TMEM132C: variants seen among roughly 807,000 people sequenced by gnomAD.
The protein encoded by TMEM132C is protein phosphatase 1, regulatory subunit 152.
A neutral mutation model predicts 61.4 loss-of-function variants in TMEM132C; 29 were observed. The ratio of observed to expected loss-of-function variants is 0.47; its 90% CI spans 0.35 to 0.64. TMEM132C has a LOEUF of 0.64. Ranked by LOEUF, TMEM132C falls within the 30% of genes least tolerant of loss-of-function variation. TMEM132C has a pLI of 0.00. For missense variants in TMEM132C, 1,408 were observed against 1,476.9 expected (o/e 0.95, Z 0.76); for synonymous variants, 656 against 633.1 (o/e 1.04, Z -0.54).
chr12:128,439,776 G>A (rs940425064), intron 2 of TMEM132C, among the ~76,000 whole-genome samples: 1 of 152,024 alleles, frequency 6.6e-6, no homozygotes, highest in Non-Finnish European at 1.5e-5. Flanking sequence ...GGGCACAATT[G>A]GATTTGACAG....
At chr12:128,307,050 G>A (rs1352255396) in intron 1 of TMEM132C, among the ~76,000 whole-genome samples, 1 of 152,090 alleles carries the variant, frequency 6.6e-6, no homozygotes, top group Non-Finnish European at 1.5e-5. Flanking sequence ...CACCATTGCT[G>A]GAAGGAATAA....
At chr12:128,451,869 A>G (rs1173627516) in intron 2 of TMEM132C, among the ~76,000 whole-genome samples, 1 of 152,152 alleles carries the variant, frequency 6.6e-6, no homozygotes, top group East Asian at 1.9e-4. Flanking sequence ...CAGACAAAAA[A>G]AGGGACCCAG....
chr12:128,693,051 G>A (rs1954731455), intron 5 of TMEM132C, among the ~76,000 whole-genome samples: 1 of 152,042 alleles, frequency 6.6e-6, no homozygotes, highest in African/African-American at 2.4e-5. Flanking sequence ...CCACAGAAGG[G>A]GTCTCATAAG....
chr12:128,530,741 C>T (rs1378702037), intron 2 of TMEM132C, among the ~76,000 whole-genome samples: 1 of 152,210 alleles, frequency 6.6e-6, no homozygotes, highest in African/African-American at 2.4e-5. Flanking sequence ...CCATGCCCGG[C>T]CTCCAATAAC....
chr12:128,334,799 T>C (rs1426680571), intron 1 of TMEM132C, among the ~76,000 whole-genome samples: 2 of 152,130 alleles, frequency 1.3e-5, no homozygotes, highest in African/African-American at 4.8e-5. Flanking sequence ...GATTTCACTG[T>C]GTTAGCCAGG....
intron 2 of TMEM132C, among the ~76,000 whole-genome samples, chr12:128,515,176 G>C (rs1872678883): frequency 6.6e-6 from 1 of 152,202 alleles, no homozygotes; most frequent in South Asian, 2.1e-4. Context: ...ACATGCTGGA[G>C]GTAGCCGTGT....
At chr12:128,367,742 T>TA (rs78658428) in intron 1 of TMEM132C, among the ~76,000 whole-genome samples, 5,420 of 146,196 alleles carry the variant, frequency 0.037, 229 homozygotes, top group African/African-American at 0.11. Flanking sequence ...TGAAAAAAAG[T>TA]AAAAAAAAAA....
chr12:128,549,802 A>C (rs1173986296), intron 3 of TMEM132C, among the ~76,000 whole-genome samples: 3 of 152,098 alleles, frequency 2.0e-5, no homozygotes, highest in African/African-American at 4.8e-5. Flanking sequence ...TAAGCATCTA[A>C]TCCTCCTTCA....
chr12:128,285,581 A>T (rs1199401044), intron 1 of TMEM132C, among the ~76,000 whole-genome samples: 1 of 151,988 alleles, frequency 6.6e-6, no homozygotes, highest in Non-Finnish European at 1.5e-5. Flanking sequence ...GAGGAGAGGA[A>T]CCAGCCGGAC....
intron 3 of TMEM132C, among the ~76,000 whole-genome samples, chr12:128,608,166 C>A (rs564754720): frequency 1.3e-5 from 2 of 152,298 alleles, no homozygotes; most frequent in African/African-American, 4.8e-5. Context: ...ATAGTTGTAG[C>A]AATGCTAAGA....
At chr12:128,473,913 A>G (rs891033803) in intron 2 of TMEM132C, among the ~76,000 whole-genome samples, 7 of 152,202 alleles carry the variant, frequency 4.6e-5, no homozygotes, top group Admixed American at 4.6e-4. Context: ...GGTCACATTG[A>G]CAGTTTCCAG....
intron 3 of TMEM132C, among the ~76,000 whole-genome samples, chr12:128,598,995 A>G (rs1593114684): frequency 1.3e-5 from 2 of 152,168 alleles, no homozygotes; most frequent in South Asian, 4.1e-4. Context: ...TTTTGGCTAC[A>G]TGTAGCCAGC....
At chr12:128,530,763 T>C (rs1873267054) in intron 2 of TMEM132C, among the ~76,000 whole-genome samples, 1 of 152,194 alleles carries the variant, frequency 6.6e-6, no homozygotes, top group Non-Finnish European at 1.5e-5. Flanking sequence ...CTTCTTTATA[T>C]AGTATTTTCC....
intron 2 of TMEM132C, among the ~76,000 whole-genome samples, chr12:128,501,224 G>C (rs924991538): frequency 4.6e-5 from 7 of 152,088 alleles, no homozygotes; most frequent in Admixed American, 2.0e-4. Flanking sequence ...ATGGAACCAA[G>C]ACTGATGCAG....
intron 8 of TMEM132C, among the ~76,000 whole-genome samples, chr12:128,699,109 G>A (rs923917479): frequency 6.6e-5 from 8 of 121,696 alleles, no homozygotes; most frequent in African/African-American, 2.7e-4. Flanking sequence ...CTGGGCTGGT[G>A]TTATAAGCAA....
chr12:128,596,063 C>G (rs1336952649), intron 3 of TMEM132C, among the ~76,000 whole-genome samples: 1 of 152,110 alleles, frequency 6.6e-6, no homozygotes, highest in African/African-American at 2.4e-5. Flanking sequence ...TGGGCTGCCC[C>G]TTTTGCAGGT....
chr12:128,367,782 C>G (rs1421704040), intron 1 of TMEM132C, among the ~76,000 whole-genome samples: 5 of 151,888 alleles, frequency 3.3e-5, no homozygotes, highest in Middle Eastern at 3.4e-3. Context: ...ATAGTGATTA[C>G]ATGTTCAAAT....
chr12:128,498,295 G>A (rs1565954096), intron 2 of TMEM132C, among the ~76,000 whole-genome samples: 2 of 151,970 alleles, frequency 1.3e-5, no homozygotes, highest in Non-Finnish European at 2.9e-5. Flanking sequence ...ACATCAGGCA[G>A]GAAAAAGAAA....
chr12:128,614,412 C>CACAGG (rs1426481295), intron 3 of TMEM132C, among the ~76,000 whole-genome samples: 1 of 152,088 alleles, frequency 6.6e-6, no homozygotes, highest in Non-Finnish European at 1.5e-5. Flanking sequence ...GCATTTGGTT[C>CACAGG]ACAGGACACA....
Sources: allele counts gnomAD v4.1 joint callset (sites outside exome capture counted in the v4.1 genomes callset), GRCh38; gene constraint gnomAD v4.1.1; transcripts MANE v1.5; gene names NCBI Gene and HGNC (gene_info 2026-07-23, HGNC 2026-07-21).